NR3C2: variants seen among roughly 807,000 people sequenced by gnomAD.
NR3C2 encodes nuclear receptor subfamily 3 group C member 2.
In NR3C2, 15 loss-of-function variants were observed where a neutral mutation model predicts 86.4. That is an observed-to-expected ratio of 0.17 (90% CI 0.12 to 0.27). The LOEUF (loss-of-function observed/expected upper bound fraction) is 0.27, where lower values mean the gene tolerates loss of function less well. NR3C2 is among the 10% of genes least tolerant of loss of function. The pLI, the probability that NR3C2 is intolerant of heterozygous loss-of-function variation, is 1.00. For synonymous variants in NR3C2, 458 were observed against 450.5 expected, an observed-to-expected ratio of 1.02 and a Z score of -0.21; for missense variants, 960 against 1,195.6, an observed-to-expected ratio of 0.80 and a Z score of 2.91.
chr4:148,264,451 C>G (rs72655249), intron 2 of NR3C2, among the ~76,000 whole-genome samples: 121 of 152,262 alleles, frequency 7.9e-4, no homozygotes, highest in Middle Eastern at 3.4e-3. Context: ...ATTTGTATGT[C>G]AAAATTCAAC....
rs145526841 is a variant in NR3C2 at position 148,196,125 on chromosome 4, G to A, written c.1898-1263C>T. On this transcript the variant is annotated intron_variant, in intron 3 of 8. Coordinates refer to ENST00000358102, the MANE Select transcript of NR3C2 (RefSeq NM_000901.5). The stretch of plus-strand genomic sequence containing the variant: ...GGTCATTGTGGTAGCAGTGGCAGTG[G>A]TGAGATTCTAGATGTATTCCAAAAG... 6.2e-4 allele frequency among the ~76,000 whole-genome samples: 94 copies of A among 152,286 alleles called. 2 individuals are homozygous for A. The East Asian group carries it at 0.018, about 29-fold the overall frequency.
At chr4:148,271,828 G>C (rs1378912403) in intron 2 of NR3C2, among the ~76,000 whole-genome samples, 2 of 152,124 alleles carry the variant, frequency 1.3e-5, no homozygotes, top group Non-Finnish European at 2.9e-5. Context: ...CCAGTGGTTG[G>C]AGTGGAAGAA....
chr4:148,288,520 A>G (rs192567508), intron 2 of NR3C2, among the ~76,000 whole-genome samples: 1 of 152,322 alleles, frequency 6.6e-6, no homozygotes, highest in Non-Finnish European at 1.5e-5. Context: ...AGGTCCCTCA[A>G]TCAACCTGTC....
intron 3 of NR3C2, among the ~76,000 whole-genome samples, chr4:148,237,175 G>A (rs947115565): frequency 2.0e-5 from 3 of 152,046 alleles, no homozygotes; most frequent in Non-Finnish European, 4.4e-5. Flanking sequence ...GTGAAATTTG[G>A]GGGAAAAAAT....
chr4:148,418,997 C>T (rs1404926396), intron 2 of NR3C2, among the ~76,000 whole-genome samples: 4 of 152,114 alleles, frequency 2.6e-5, no homozygotes, highest in Non-Finnish European at 4.4e-5. Context: ...TCTTTACCTG[C>T]CAACATCTAC....
chr4:148,132,312 T>C (rs1733078150), intron 6 of NR3C2, among the ~76,000 whole-genome samples: 1 of 152,220 alleles, frequency 6.6e-6, no homozygotes, highest in Non-Finnish European at 1.5e-5. Flanking sequence ...AAAAAAGTGA[T>C]TTCTAAGCAA....
At chr4:148,431,847 A>G (rs1749814263) in intron 2 of NR3C2, among the ~76,000 whole-genome samples, 1 of 152,216 alleles carries the variant, frequency 6.6e-6, no homozygotes, top group Non-Finnish European at 1.5e-5. Context: ...CGTGTATAGA[A>G]GAGAACAGAC....
At position 148,318,445 on chromosome 4, in the gene NR3C2, C is replaced by A. The variant is rs376729597; in HGVS notation, c.1758-58328G>T. ...TTCCAGTTCTAGATCCCTGAGGAAT[C>A]GCCACACTGACTTCCACAATGGTTG... On this transcript the variant is annotated intron_variant, in intron 2 of 8. Coordinates refer to ENST00000358102, the MANE Select transcript of NR3C2 (RefSeq NM_000901.5). Among the ~76,000 whole-genome samples the A allele has an allele frequency of 1.1e-4, 16 of 148,606 alleles. No homozygotes were observed. The South Asian group carries it at 2.0e-3, about 18-fold the overall frequency.
rs114420264 is a variant in NR3C2 at position 148,387,081 on chromosome 4, G to A, written c.1757+48023C>T. 3.9e-3 allele frequency among the ~76,000 whole-genome samples: 599 copies of A among 152,318 alleles called. 4 individuals are homozygous for A. Among genetic ancestry groups the A allele is most frequent in the African/African-American group, 0.013 (536 of 41,556 alleles). ...TGGATGGCAAAGAAACCTACTTCTGGTCAATGTGATATAAACGGAAGTTAC... is the reference window on the plus strand; with the variant it reads ...TGGATGGCAAAGAAACCTACTTCTGATCAATGTGATATAAACGGAAGTTAC... On this transcript the variant is annotated intron_variant, in intron 2 of 8. Transcript: ENST00000358102.
At chr4:148,281,172 C>A (rs965333) in intron 2 of NR3C2, among the ~76,000 whole-genome samples, 152,272 of 152,316 alleles carry the variant, frequency 1, 76,114 homozygotes, top group Non-Finnish European at 1. Context: ...TTATAACCTC[C>A]AAAGGAGAGG....
chr4:148,199,080 CAA>C (rs60075012), intron 3 of NR3C2, among the ~76,000 whole-genome samples: 6 of 37,504 alleles, frequency 1.6e-4, no homozygotes, highest in African/African-American at 4.9e-4. Flanking sequence ...GACTCCATCT[CAA>C]AAAAAAAAAA....
At chr4:148,347,518 G>T (rs1745053757) in intron 2 of NR3C2, among the ~76,000 whole-genome samples, 1 of 152,062 alleles carries the variant, frequency 6.6e-6, no homozygotes, top group South Asian at 2.1e-4. Context: ...AATTATGTAT[G>T]TCTAGTATTA....
chr4:148,185,912 A>C (rs572546433), intron 4 of NR3C2, among the ~76,000 whole-genome samples: 96 of 152,326 alleles, frequency 6.3e-4, no homozygotes, highest in Middle Eastern at 3.4e-3. Context: ...ATATTTAACA[A>C]CACCACAATG....
At chr4:148,261,306 C>T (rs112835003) in intron 2 of NR3C2, among the ~76,000 whole-genome samples, 3 of 146,080 alleles carry the variant, frequency 2.1e-5, no homozygotes, top group East Asian at 2.0e-4. Context: ...TGCTATGGTG[C>T]GCTATGGTAA....
chr4:148,178,436 T>C (rs1735484285), intron 4 of NR3C2, among the ~76,000 whole-genome samples: 4 of 151,746 alleles, frequency 2.6e-5, no homozygotes, highest in Admixed American at 2.6e-4. Flanking sequence ...AATGTATGGA[T>C]AACATAAAAT....
At chr4:148,150,952 T>A (rs1320281313) in intron 6 of NR3C2, among the ~76,000 whole-genome samples, 1 of 152,152 alleles carries the variant, frequency 6.6e-6, no homozygotes, top group East Asian at 1.9e-4. Context: ...ATATTAAATA[T>A]ATAGAATAGG....
chr4:148,205,966 G>A (rs1736985430), intron 3 of NR3C2, among the ~76,000 whole-genome samples: 1 of 152,142 alleles, frequency 6.6e-6, no homozygotes, highest in Admixed American at 6.5e-5. Context: ...GTAGAATTGA[G>A]AAAGAGCAAA....
At chr4:148,307,138 A>C (rs891098409) in intron 2 of NR3C2, among the ~76,000 whole-genome samples, 40 of 148,860 alleles carry the variant, frequency 2.7e-4, no homozygotes, top group African/African-American at 8.0e-4. Flanking sequence ...TAAGAGAGTT[A>C]GCTATTATAT....
chr4:148,386,313 T>A (rs534195653), intron 2 of NR3C2, among the ~76,000 whole-genome samples: 40 of 152,208 alleles, frequency 2.6e-4, no homozygotes, highest in Non-Finnish European at 4.9e-4. Flanking sequence ...GTCACAGGTC[T>A]GAGCCACAGG....
Sources: gnomAD v4.1 joint callset for allele counts (sites outside exome capture counted in the v4.1 genomes callset) on GRCh38, gnomAD v4.1.1 for gene constraint, MANE v1.5 for transcripts, NCBI Gene and HGNC (gene_info 2026-07-23, HGNC 2026-07-21) for gene names.